PLEKHA2: variants seen among roughly 807,000 people sequenced by gnomAD.
The protein encoded by PLEKHA2 is pleckstrin homology domain-containing family A member 2.
A neutral mutation model predicts 53.2 loss-of-function variants in PLEKHA2; 28 were observed. The ratio of observed to expected loss-of-function variants is 0.53; its 90% confidence interval spans 0.39 to 0.72. PLEKHA2 has a LOEUF of 0.72. Ranked by LOEUF, PLEKHA2 falls within the 30% of genes least tolerant of loss-of-function variation. The pLI is 0.00. For missense variants in PLEKHA2, 426 were observed against 537.9 expected, an observed-to-expected ratio of 0.79 and a Z score of 2.06; for synonymous variants, 193 against 196.4, an observed-to-expected ratio of 0.98 and a Z score of 0.14.
chr8:38,907,543 T>C (rs1166604867), intron 1 of PLEKHA2, among the ~76,000 whole-genome samples: 1 of 152,142 alleles, frequency 6.6e-6, no homozygotes, highest in Non-Finnish European at 1.5e-5. Flanking sequence ...TTTGGGAGGC[T>C]GAGGCCAGAG....
intron 1 of PLEKHA2, among the ~76,000 whole-genome samples, chr8:38,908,222 G>A (rs1208537141): frequency 6.6e-6 from 1 of 152,166 alleles, no homozygotes; most frequent in East Asian, 1.9e-4. Flanking sequence ...TAAGACCAGA[G>A]AGCAAGGGAC....
chr8:38,966,814 T>TTTG (rs1283854858), intron 10 of PLEKHA2, among the ~76,000 whole-genome samples: 6 of 152,150 alleles, frequency 3.9e-5, no homozygotes, highest in African/African-American at 1.4e-4. Context: ...TTGTATAAAT[T>TTTG]TAAGGGGTAC....
chr8:38,940,102 A>G (rs868596112), intron 3 of PLEKHA2, among the ~76,000 whole-genome samples: 138 of 148,388 alleles, frequency 9.3e-4, no homozygotes, highest in African/African-American at 3.1e-3. Flanking sequence ...TTAAAAAAAA[A>G]AAAAAAAAAA....
At chr8:38,936,971 G>A (rs1231431294) in intron 3 of PLEKHA2, among the ~76,000 whole-genome samples, 2 of 152,190 alleles carry the variant, frequency 1.3e-5, no homozygotes, top group African/African-American at 4.8e-5. Context: ...TGGAGGCCTG[G>A]GGGCCCCTGA....
At chr8:38,908,444 T>G (rs1311507800) in intron 1 of PLEKHA2, among the ~76,000 whole-genome samples, 1 of 152,230 alleles carries the variant, frequency 6.6e-6, no homozygotes, top group Non-Finnish European at 1.5e-5. Context: ...AGGCCTTGTT[T>G]GTTTGTGGAC....
intron 2 of PLEKHA2, among the ~76,000 whole-genome samples, chr8:38,933,586 C>CCG (rs147735042): frequency 0.011 from 1,672 of 151,778 alleles, 33 homozygotes; most frequent in African/African-American, 0.038. Context: ...CCTGCAGTTC[C>CCG]TGTGTCCCTG....
In PLEKHA2 at chr8:38,972,116, A is replaced by C. The variant is rs1386776831; in HGVS notation, c.*2333A>C. 6.6e-6 allele frequency: 1 copy of C among 152,262 alleles called. No homozygotes were observed. The highest frequency in any genetic ancestry group is 2.4e-5 in the African/African-American group (1 of 41,468). The allele number at this position is 152,262 out of a possible 1,614,324, so 9.4% of individuals were successfully genotyped here. ...GGGAAACGAGGACACTAAGACTGTC[A>C]AATGGAAATCTTCTTGTCAATTGGC... On this transcript the variant is annotated 3_prime_UTR_variant, in exon 12 of 12. Coordinates refer to ENST00000617275, the MANE Select transcript of PLEKHA2 (RefSeq NM_021623.2).
At chr8:38,925,623 C>G (rs1834272423) in intron 2 of PLEKHA2, among the ~76,000 whole-genome samples, 1 of 152,188 alleles carries the variant, frequency 6.6e-6, no homozygotes, top group African/African-American at 2.4e-5. Flanking sequence ...CCAATGAAAG[C>G]CCTTTGCTTT....
intron 10 of PLEKHA2, among the ~76,000 whole-genome samples, chr8:38,966,136 C>T (rs1057296863): frequency 6.6e-6 from 1 of 152,130 alleles, no homozygotes. Flanking sequence ...TCACTACACC[C>T]TTTTTGCCCT....
intron 10 of PLEKHA2, among the ~76,000 whole-genome samples, chr8:38,959,158 A>G (rs1834998714): frequency 6.6e-6 from 1 of 152,116 alleles, no homozygotes; most frequent in Non-Finnish European, 1.5e-5. Flanking sequence ...AAATGGTGTG[A>G]TAAGTGCTAC....
rs1489678846 is a variant in PLEKHA2, at chr8:38,930,020, G to A, written c.142-5974G>A. ...GCTAGAAAAAGGATTAACGTGGGAGGTGTGCCACATCCCTGTATGGGCACC... is the reference window on the plus strand; with the variant it reads ...GCTAGAAAAAGGATTAACGTGGGAGATGTGCCACATCCCTGTATGGGCACC... On this transcript the variant is annotated intron_variant, in intron 2 of 11. Coordinates refer to ENST00000617275, the MANE Select transcript of PLEKHA2 (RefSeq NM_021623.2). Among the ~76,000 whole-genome samples the A allele has an allele frequency of 2.0e-5, 3 of 152,212 alleles. No homozygotes were observed. In the South Asian group the frequency reaches 6.2e-4, roughly 32 times the overall value.
Position 38,924,413 on chromosome 8 carries a change from G to A in PLEKHA2, c.141+6343G>A, listed in dbSNP as rs1401914307. Reference sequence around the variant, plus strand: ...CTTTATTGAGGAAATGTTCCCGCGGGGACTGTGAAGAGAGCTGGGGAAGGA... The same window carrying A: ...CTTTATTGAGGAAATGTTCCCGCGGAGACTGTGAAGAGAGCTGGGGAAGGA... On this transcript the variant is annotated intron_variant, in intron 2 of 11. Coordinates refer to ENST00000617275, the MANE Select transcript of PLEKHA2 (RefSeq NM_021623.2). Among the ~76,000 whole-genome samples the A allele has an allele frequency of 2.6e-5, 4 of 152,124 alleles. No homozygotes were observed. In the East Asian group the frequency reaches 5.8e-4, roughly 22 times the overall value.
intron 1 of PLEKHA2, among the ~76,000 whole-genome samples, chr8:38,907,283 A>G (rs555903476): frequency 1.8e-4 from 28 of 152,214 alleles, no homozygotes; most frequent in Non-Finnish European, 4.0e-4. Context: ...ACTTCAGCCA[A>G]TACCACTGAA....
intron 10 of PLEKHA2, among the ~76,000 whole-genome samples, chr8:38,966,340 G>T (rs1027050835): frequency 6.6e-6 from 1 of 151,810 alleles, no homozygotes; most frequent in South Asian, 2.1e-4. Context: ...GTCCTTTGGG[G>T]GCTAGTGTGT....
chr8:38,951,469 GTTTTTTTTTT>G (rs144541661), intron 6 of PLEKHA2, among the ~76,000 whole-genome samples: 1 of 91,822 alleles, frequency 1.1e-5, no homozygotes, highest in Non-Finnish European at 2.0e-5. Flanking sequence ...ATTTATTTAA[GTTTTTTTTTT>G]TTTTTTTTTT....
rs1253142761 is a variant in PLEKHA2, at chr8:38,973,544, T to C, written c.*3761T>C. 1 of 151,330 alleles carries C rather than the reference T, an allele frequency of 6.6e-6. No individual in the cohort carries two copies. 9.4% of individuals were successfully genotyped at this position (151,330 alleles called of 1,614,324 possible). A position where few individuals can be genotyped will look rare whatever the true frequency, so the allele number is the denominator to read the frequency against. On this transcript the variant is annotated 3_prime_UTR_variant, in exon 12 of 12. Transcript: ENST00000617275. ...GAGCTTTGTTTATAAACTTTCAAAA[T>C]GTCGGAAGTGGACAGGTTTGTTAAA... is the stretch of plus-strand genomic sequence containing the variant.
chr8:38,906,312 G>A (rs1209630710), intron 1 of PLEKHA2, among the ~76,000 whole-genome samples: 1 of 152,250 alleles, frequency 6.6e-6, no homozygotes, highest in African/African-American at 2.4e-5. Flanking sequence ...TGTAGATGAG[G>A]CTGCTGTGAA....
At chr8:38,968,143 A>T (rs147036074) in intron 10 of PLEKHA2, among the ~76,000 whole-genome samples, 1 of 152,120 alleles carries the variant, frequency 6.6e-6, no homozygotes, top group Non-Finnish European at 1.5e-5. Flanking sequence ...TGAAAGTGGG[A>T]TTATTCTGTT....
At chr8:38,909,574 C>T (rs1288899493) in intron 1 of PLEKHA2, among the ~76,000 whole-genome samples, 2 of 152,124 alleles carry the variant, frequency 1.3e-5, no homozygotes, top group African/African-American at 4.8e-5. Flanking sequence ...CTCAGTTCCT[C>T]GGGGCAATTT....
Sources: allele counts gnomAD v4.1 joint callset (sites outside exome capture counted in the v4.1 genomes callset), GRCh38; gene constraint gnomAD v4.1.1; transcripts MANE v1.5; gene names NCBI Gene and HGNC (gene_info 2026-07-23, HGNC 2026-07-21).